ZDHHC7: variants seen among roughly 807,000 people sequenced by gnomAD.
The protein encoded by ZDHHC7 is palmitoyltransferase ZDHHC7.
ZDHHC7 carries 12 observed loss-of-function variants against 34.1 expected under a neutral mutation model. That is an observed-to-expected ratio of 0.35 (90% CI 0.23 to 0.57). The LOEUF (loss-of-function observed/expected upper bound fraction) is 0.57, where lower values mean the gene tolerates loss of function less well. Ranked by LOEUF, ZDHHC7 falls within the 20% of genes least tolerant of loss-of-function variation. The pLI, the probability that ZDHHC7 is intolerant of heterozygous loss-of-function variation, is 0.84. For missense variants in ZDHHC7, 388 were observed against 402.7 expected, an observed-to-expected ratio of 0.96 and a Z score of 0.31; for synonymous variants, 185 against 155.4, an observed-to-expected ratio of 1.19 and a Z score of -1.42.
chr16:84,986,393 A>C (rs889910926), intron 3 of ZDHHC7, among the ~76,000 whole-genome samples: 6 of 152,202 alleles, frequency 3.9e-5, no homozygotes, highest in African/African-American at 1.4e-4. Flanking sequence ...GTGGGAGGAA[A>C]GCACGCTTTT....
chr16:84,982,873 G>A lies in ZDHHC7; in HGVS notation c.316-879C>T, dbSNP rs188874946. ...TGGGGAGGCTGTGAGCTGCTGGTAAGGGGCAGAGCTGAAGGCCAAGAGTCA... is the reference window on the plus strand; with the variant it reads ...TGGGGAGGCTGTGAGCTGCTGGTAAAGGGCAGAGCTGAAGGCCAAGAGTCA... On this transcript the variant is annotated intron_variant, in intron 3 of 7. Coordinates refer to ENST00000313732, the MANE Select transcript of ZDHHC7 (RefSeq NM_017740.3). Among the ~76,000 whole-genome samples the A allele has an allele frequency of 6.6e-4, 101 of 152,368 alleles. 1 individual carries two copies. Among genetic ancestry groups the A allele is most frequent in the Non-Finnish European group, 1.1e-3 (77 of 68,034 alleles).
In ZDHHC7 at chr16:84,976,226, A is replaced by G. The variant is rs570951336; in HGVS notation, c.*117T>C. 28 of 1,306,904 alleles carry G rather than the reference A, an allele frequency of 2.1e-5. No individual in the cohort carries two copies. Among genetic ancestry groups the G allele is most frequent in the South Asian group, 2.7e-5 (2 of 74,284 alleles). 81.0% of individuals were successfully genotyped at this position (1,306,904 alleles called of 1,614,324 possible). ...TATAAAACTCTGCTTGCTGCAAGCA[A>G]TTGGTTTGTGTAGGTTCCAGTTGCC... On this transcript the variant is annotated 3_prime_UTR_variant, in exon 8 of 8. Transcript: ENST00000313732.
upstream of ZDHHC7, among the ~76,000 whole-genome samples, chr16:85,015,610 G>A (rs770634025): frequency 1.3e-5 from 2 of 152,084 alleles, no homozygotes; most frequent in Admixed American, 1.3e-4. Flanking sequence ...CAGCATACTG[G>A]GGGGCCAAGG....
rs182348005 is a variant in ZDHHC7 at position 84,990,349 on chromosome 16, G to A, written c.270C>T (p.Ala90=). The stretch of plus-strand genomic sequence containing the variant: ...TCAGGTGGGATGACAGGGCAAGCAC[G>A]GCCAAGCAGTTAAAGATGACCCCGT... ...VVNGVIFNCL[A]VLALSSHLRT... Residue 90 remains alanine (A), a synonymous_variant, in exon 3 of 8, where the codon GCC becomes GCT. Coordinates refer to ENST00000313732, the MANE Select transcript of ZDHHC7 (RefSeq NM_017740.3). 47 of 1,614,094 alleles carry A rather than the reference G, an allele frequency of 2.9e-5. No homozygotes were observed. The highest frequency in any genetic ancestry group is 1.1e-4 in the East Asian group (5 of 44,878).
intron 2 of ZDHHC7, among the ~76,000 whole-genome samples, chr16:84,992,190 CA>C (rs1270341127): frequency 8.6e-5 from 13 of 151,358 alleles, no homozygotes; most frequent in Non-Finnish European, 1.9e-4. Flanking sequence ...AAAAGTGGGT[CA>C]GGTGCGGGTG....
chr16:84,997,267 C>CTT (rs34612029), intron 1 of ZDHHC7, among the ~76,000 whole-genome samples: 24 of 111,306 alleles, frequency 2.2e-4, no homozygotes, highest in South Asian at 6.0e-4. Context: ...CTAAATTTTC[C>CTT]TTTTTTTTTT....
intron 1 of ZDHHC7, among the ~76,000 whole-genome samples, chr16:85,008,933 T>C (rs1382062729): frequency 6.6e-6 from 1 of 151,244 alleles, no homozygotes; most frequent in African/African-American, 2.4e-5. Context: ...TAATCCCAGC[T>C]ACTCGGGAGG....
intron 4 of ZDHHC7, among the ~76,000 whole-genome samples, chr16:84,980,875 T>C (rs1232511263): frequency 1.3e-5 from 2 of 152,202 alleles, no homozygotes; most frequent in African/African-American, 2.4e-5. Context: ...TACTCTCCGA[T>C]ACCATTTCAT....
chr16:85,010,550 T>C (rs984201337), intron 1 of ZDHHC7, among the ~76,000 whole-genome samples: 4 of 152,188 alleles, frequency 2.6e-5, no homozygotes, highest in Non-Finnish European at 5.9e-5. Context: ...GTAGCAGCGA[T>C]TTGCCCAGCA....
upstream of ZDHHC7, among the ~76,000 whole-genome samples, chr16:85,015,826 G>T (rs1376126402): frequency 1.3e-5 from 2 of 150,342 alleles, no homozygotes; most frequent in Non-Finnish European, 1.5e-5. Flanking sequence ...GACAGAACAA[G>T]ATCCTATCTC....
At chr16:85,025,297 T>G in the ZDHHC7 span, among the ~76,000 whole-genome samples, 1 of 150,860 alleles carries the variant, frequency 6.6e-6, no homozygotes, top group African/African-American at 2.4e-5. Context: ...AATCTGAGAC[T>G]GAAGCCAACT....
At chr16:85,013,352 C>T (rs1451267990), upstream of ZDHHC7, among the ~76,000 whole-genome samples, 9 of 151,964 alleles carry the variant, frequency 5.9e-5, no homozygotes, top group Admixed American at 2.0e-4. Context: ...AAGCAATTCT[C>T]CTGCCTCAAC....
At chr16:84,978,097 G>A (rs1271980879) in intron 5 of ZDHHC7, 92 bp from the exon 6 acceptor site, 2 of 1,011,650 alleles carry the variant, frequency 2.0e-6, no homozygotes, top group Non-Finnish European at 2.9e-6. Context: ...GAATGCAGCG[G>A]CGTAGTCTCA....
In ZDHHC7 at chr16:84,976,056, TG is replaced by T. The variant is rs1262779097; in HGVS notation, c.*286del. 3 of 404,512 alleles carry T rather than the reference TG, an allele frequency of 7.4e-6. No individual in the cohort carries two copies. In the East Asian group the frequency reaches 1.7e-4, roughly 23 times the overall value. 25.1% of individuals were successfully genotyped at this position (404,512 alleles called of 1,614,324 possible). A position where few individuals can be genotyped will look rare whatever the true frequency, so the allele number is the denominator to read the frequency against. ...CAGGACCCAGGATTTGAATAACCCA[TG>T]TAATAACCCGAAGTATTCTCCACAG... On this transcript the variant is annotated 3_prime_UTR_variant, in exon 8 of 8. Coordinates refer to ENST00000313732, the MANE Select transcript of ZDHHC7 (RefSeq NM_017740.3).
At position 84,976,432 on chromosome 16, in the gene ZDHHC7, A is replaced by AG. The variant is rs1321724565; in HGVS notation, c.837dup (p.Ser280LeufsTer14). 4 of 1,614,084 alleles carry AG rather than the reference A, an allele frequency of 2.5e-6. No individual in the cohort carries two copies. Among genetic ancestry groups the AG allele is most frequent in the Admixed American group, 3.3e-5 (2 of 60,008 alleles). On this transcript the variant is annotated frameshift_variant, in exon 8 of 8. Coordinates refer to ENST00000313732, the MANE Select transcript of ZDHHC7 (RefSeq NM_017740.3). LOFTEE classifies it high-confidence loss of function. ...ACAAAGGGATTCATCCAGAGGAGTG[A>AG]GGGGGGCCCCCCAAAGACGGACTTC... is the stretch of plus-strand genomic sequence containing the variant.
At chr16:85,005,621 A>C (rs983492912) in intron 1 of ZDHHC7, among the ~76,000 whole-genome samples, 1 of 152,222 alleles carries the variant, frequency 6.6e-6, no homozygotes, top group African/African-American at 2.4e-5. Flanking sequence ...TCAGTTTAAG[A>C]AAGTGCATTC....
At chr16:85,000,056 C>A (rs544911203) in intron 1 of ZDHHC7, among the ~76,000 whole-genome samples, 4 of 152,060 alleles carry the variant, frequency 2.6e-5, no homozygotes, top group Non-Finnish European at 4.4e-5. Context: ...AGGAGGATCG[C>A]TTGAGTCTCG....
At chr16:84,977,878 A>G (rs750022520) in intron 6 of ZDHHC7, 46 bp downstream of exon 6, 74 of 1,495,732 alleles carry the variant, frequency 4.9e-5, no homozygotes, top group Non-Finnish European at 6.6e-5. Context: ...CTTTCATCCA[A>G]TAACAGCATG....
intron 5 of ZDHHC7, 91 bp from the exon 6 acceptor site, chr16:84,978,096 G>A (rs1434450533): frequency 2.4e-5 from 25 of 1,023,860 alleles, no homozygotes; most frequent in Admixed American, 1.2e-4. Context: ...GGAATGCAGC[G>A]GCGTAGTCTC....
Sources: allele counts gnomAD v4.1 joint callset (sites outside exome capture counted in the v4.1 genomes callset), GRCh38; gene constraint gnomAD v4.1.1; transcripts MANE v1.5; gene names NCBI Gene and HGNC (gene_info 2026-07-23, HGNC 2026-07-21).